Variants in CREB5 observed in about 807,000 individuals in gnomAD.
The protein encoded by CREB5 is cyclic AMP-responsive element-binding protein 5.
CREB5 carries 19 observed loss-of-function variants against 57.1 expected under a neutral mutation model. The observed-to-expected ratio is 0.33, with a 90% CI of 0.23 to 0.49. CREB5 has a LOEUF of 0.49. CREB5 is among the 20% of genes least tolerant of loss of function. The probability of loss-of-function intolerance (pLI) is 0.99; values close to 1 mark genes in which losing one functional copy is unlikely to be tolerated. For synonymous variants in CREB5, 238 were observed against 238.3 expected (o/e 1.00, Z 0.01); for missense variants, 579 against 671.6 (o/e 0.86, Z 1.52).
At position 28,522,918 on chromosome 7, in the gene CREB5, T is replaced by C. The variant is rs369505408; in HGVS notation, c.291+15181T>C. 1.3e-4 allele frequency among the ~76,000 whole-genome samples: 20 copies of C among 152,286 alleles called. No individual in the cohort carries two copies. The East Asian group carries it at 1.7e-3, about 13-fold the overall frequency. On this transcript the variant is annotated intron_variant, in intron 4 of 10. Coordinates refer to ENST00000357727, the MANE Select transcript of CREB5 (RefSeq NM_182898.4). Reference sequence around the variant, plus strand: ...TGCTCACCAAGATGCGTAATTCCAGTTCCCAACCAAGCATGGGAATCCTCT... The same window carrying C: ...TGCTCACCAAGATGCGTAATTCCAGCTCCCAACCAAGCATGGGAATCCTCT...
chr7:28,528,332 AG>A (rs1793537175), intron 4 of CREB5, among the ~76,000 whole-genome samples: 1 of 152,240 alleles, frequency 6.6e-6, no homozygotes, highest in African/African-American at 2.4e-5. Flanking sequence ...TAGTGTTTGA[AG>A]ATGCTGTGAC....
intron 4 of CREB5, among the ~76,000 whole-genome samples, chr7:28,553,474 C>G (rs1375664238): frequency 6.6e-6 from 1 of 152,130 alleles, no homozygotes; most frequent in Non-Finnish European, 1.5e-5. Flanking sequence ...GACATGCTGC[C>G]AGGTTCCTGT....
intron 4 of CREB5, among the ~76,000 whole-genome samples, chr7:28,533,397 C>T (rs1793816133): frequency 6.6e-6 from 1 of 152,162 alleles, no homozygotes; most frequent in South Asian, 2.1e-4. Flanking sequence ...TTGTTCCGGG[C>T]CATAAGACAC....
intron 1 of CREB5, among the ~76,000 whole-genome samples, chr7:28,321,708 G>A (rs866357101): frequency 2.0e-5 from 3 of 152,174 alleles, no homozygotes; most frequent in African/African-American, 7.2e-5. Flanking sequence ...GTGGGGGACT[G>A]CACAGGAGCA....
At chr7:28,305,226 G>T (rs181504161) in intron 1 of CREB5, among the ~76,000 whole-genome samples, 1 of 152,072 alleles carries the variant, frequency 6.6e-6, no homozygotes, top group Non-Finnish European at 1.5e-5. Flanking sequence ...CAATACCTTT[G>T]ATTTCATGTT....
At chr7:28,638,885 G>C (rs73081857) in intron 5 of CREB5, among the ~76,000 whole-genome samples, 2 of 152,008 alleles carry the variant, frequency 1.3e-5, no homozygotes, top group Non-Finnish European at 2.9e-5. Flanking sequence ...AGAGTACTTT[G>C]TATACTTCTT....
intron 1 of CREB5, among the ~76,000 whole-genome samples, chr7:28,478,485 AG>A (rs1300171820): frequency 6.6e-6 from 1 of 152,124 alleles, no homozygotes; most frequent in Non-Finnish European, 1.5e-5. Context: ...AAGAGGCAAA[AG>A]TTTCCCTAAT....
intron 1 of CREB5, among the ~76,000 whole-genome samples, chr7:28,400,267 C>T (rs1787430938): frequency 6.6e-6 from 1 of 152,200 alleles, no homozygotes; most frequent in African/African-American, 2.4e-5. Flanking sequence ...ATTCAAATTA[C>T]TTAGCCTCAC....
At chr7:28,513,399 C>T (rs886587413) in intron 4 of CREB5, 7 of 152,026 alleles carry the variant, frequency 4.6e-5, no homozygotes, top group African/African-American at 1.5e-4. Flanking sequence ...TGAAAATGTC[C>T]CCGTGTTTGC....
chr7:28,646,435 A>C (rs1394846640), intron 5 of CREB5, among the ~76,000 whole-genome samples: 1 of 152,154 alleles, frequency 6.6e-6, no homozygotes, highest in East Asian at 1.9e-4. Flanking sequence ...CCATCTCCTT[A>C]AATATTTTGA....
chr7:28,644,064 C>T (rs1034086716), intron 5 of CREB5, among the ~76,000 whole-genome samples: 2 of 145,510 alleles, frequency 1.4e-5, no homozygotes, highest in Non-Finnish European at 3.0e-5. Flanking sequence ...GACAGCAGAA[C>T]AAGATTCAGT....
rs534887785 is a variant in CREB5 at position 28,357,650 on chromosome 7, C to T, written c.-25+58209C>T. The stretch of plus-strand genomic sequence containing the variant: ...TCTCTGCTTTAGAGATGCGTGACTT[C>T]GTGTGCATGGATGTATGTCACTTAG... On this transcript the variant is annotated intron_variant, in intron 1 of 9. Coordinates refer to the CREB5 transcript ENST00000396299. Among the ~76,000 whole-genome samples the T allele has an allele frequency of 6.6e-5, 10 of 152,246 alleles. No homozygotes were observed. In the East Asian group the frequency reaches 1.2e-3, roughly 18 times the overall value.
At chr7:28,779,988 C>T (rs1352127735) in intron 7 of CREB5, among the ~76,000 whole-genome samples, 9 of 152,130 alleles carry the variant, frequency 5.9e-5, no homozygotes, top group African/African-American at 2.2e-4. Context: ...AGGCTGGTCT[C>T]AAACTCCTGA....
At chr7:28,678,243 C>T (rs919616124) in intron 5 of CREB5, among the ~76,000 whole-genome samples, 9 of 152,044 alleles carry the variant, frequency 5.9e-5, no homozygotes, top group African/African-American at 2.2e-4. Flanking sequence ...CAAAAATTAG[C>T]TGGGTGTGGT....
intron 3 of CREB5, among the ~76,000 whole-genome samples, chr7:28,497,169 G>A (rs148321600): frequency 1.2e-3 from 184 of 152,374 alleles, no homozygotes; most frequent in African/African-American, 4.2e-3. Flanking sequence ...TACAGTGTAA[G>A]TACCAGACAG....
At chr7:28,615,210 G>A (rs1797549924) in intron 5 of CREB5, 1 of 152,232 alleles carries the variant, frequency 6.6e-6, no homozygotes, top group Non-Finnish European at 1.5e-5. Context: ...CTTTCCAGAG[G>A]TGGGTTGGGA....
intron 1 of CREB5, among the ~76,000 whole-genome samples, chr7:28,453,076 C>A (rs1036407272): frequency 5.3e-5 from 8 of 152,330 alleles, no homozygotes; most frequent in Admixed American, 5.2e-4. Flanking sequence ...CTAAATTAAA[C>A]CAAATATGAT....
intron 7 of CREB5, among the ~76,000 whole-genome samples, chr7:28,783,110 C>G (rs1807084996): frequency 6.6e-6 from 1 of 152,142 alleles, no homozygotes; most frequent in African/African-American, 2.4e-5. Flanking sequence ...GAGAAGCCAG[C>G]AAAATACACC....
intron 4 of CREB5, among the ~76,000 whole-genome samples, chr7:28,560,931 T>TGCGTGTGCGCGC (rs1467935536): frequency 6.2e-5 from 3 of 48,530 alleles, no homozygotes; most frequent in Non-Finnish European, 1.1e-4. Flanking sequence ...TGCGCGTGCG[T>TGCGTGTGCGCGC]GTGTGCGTGC....
Sources: gnomAD v4.1 joint callset for allele counts (sites outside exome capture counted in the v4.1 genomes callset) on GRCh38, gnomAD v4.1.1 for gene constraint, MANE v1.5 for transcripts, NCBI Gene and HGNC (gene_info 2026-07-23, HGNC 2026-07-21) for gene names.